RGL4: variants seen among roughly 807,000 people sequenced by gnomAD.
RGL4 encodes ral guanine nucleotide dissociation stimulator like 4.
Under a neutral mutation model 49.6 loss-of-function variants are expected in RGL4, and 41 were observed. The ratio of observed to expected loss-of-function variants is 0.83; its 90% CI spans 0.64 to 1.07. RGL4 has a LOEUF of 1.07. Among genes scored for constraint, RGL4 ranks in the 50% least tolerant of loss-of-function variants. The pLI is 0.00. For missense variants in RGL4, 610 were observed against 591.9 expected, an observed-to-expected ratio of 1.03 and a Z score of -0.32; for synonymous variants, 255 against 238.0, an observed-to-expected ratio of 1.07 and a Z score of -0.66.
intron 8 of RGL4, 144 bp from the exon 9 acceptor site, chr22:23,697,687 TCTAGAGC>T: frequency 1.2e-6 from 1 of 803,698 alleles, no homozygotes; most frequent in South Asian, 1.6e-5. Flanking sequence ...TTCCCCCTGC[TCTAGAGC>T]CCGGAGCCTG....
chr22:23,698,125 A>T, intron 9 of RGL4, 87 bp from the exon 10 acceptor site: 1 of 1,535,952 alleles, frequency 6.5e-7, no homozygotes, highest in Non-Finnish European at 8.8e-7. Flanking sequence ...AAACTGCCCC[A>T]GGGACCAGCC....
chr22:23,696,355 A>G, intron 6 of RGL4: 1 of 1,404,734 alleles, frequency 7.1e-7, no homozygotes, highest in Non-Finnish European at 9.4e-7. Flanking sequence ...CAACGGCAAC[A>G]GCTACAGGAA....
intron 3 of RGL4, 25 bp from the exon 4 acceptor site, chr22:23,693,734 G>A (rs375883050): frequency 3.2e-5 from 51 of 1,588,972 alleles, no homozygotes; most frequent in Non-Finnish European, 3.7e-5. Flanking sequence ...TGCTGTGTCC[G>A]TGACACTCTC....
At position 23,699,011 on chromosome 22, in the gene RGL4, T is replaced by C. The variant is rs189477147; in HGVS notation, c.*128T>C. On this transcript the variant is annotated 3_prime_UTR_variant, in exon 11 of 11. Transcript: ENST00000290691. Reference sequence around the variant, plus strand: ...CTAGGAGGCTGGCAGCTCAGCTGCATCTTGCCCTGGATCCTCATCACCAAC... The same window carrying C: ...CTAGGAGGCTGGCAGCTCAGCTGCACCTTGCCCTGGATCCTCATCACCAAC... 3 of 1,551,206 alleles carry C rather than the reference T, an allele frequency of 1.9e-6. No individual in the cohort carries two copies. Among genetic ancestry groups the C allele is most frequent in the African/African-American group, 1.4e-5 (1 of 73,332 alleles).
At chr22:23,696,717 G>T (rs377224219) in intron 7 of RGL4, 29 bp downstream of exon 7, 1 of 1,590,602 alleles carries the variant, frequency 6.3e-7, no homozygotes, top group Non-Finnish European at 8.6e-7. Flanking sequence ...TGGACGGGCC[G>T]CAGGGGATCA....
Position 23,697,235 on chromosome 22 carries a change from AC to A in RGL4, c.1227del (p.Asp409GlufsTer28). Reference protein sequence around the residue: ...ELQRLDSAIPDDLDGNTNKRS... With the variant: ...ELQRLDSAIPXDLDGNTNKRS... ...CAGAGGCTGGATTCGGCCATCCCGG[AC>A]GACCTGGATGTGAGTGAGCCTGGGG... is the stretch of plus-strand genomic sequence containing the variant. On this transcript the variant is annotated frameshift_variant, in exon 8 of 11. Transcript: ENST00000290691. LOFTEE classifies it high-confidence loss of function. 1 of 1,612,948 alleles carries A rather than the reference AC, an allele frequency of 6.2e-7. No individual in the cohort carries two copies. The highest frequency in any genetic ancestry group is 2.2e-5 in the East Asian group (1 of 44,802).
intron 6 of RGL4, chr22:23,696,203 G>T: frequency 1.1e-6 from 1 of 890,444 alleles, no homozygotes; most frequent in Non-Finnish European, 1.5e-6. Flanking sequence ...TGCCCGCTCT[G>T]GGCCTCTGTT....
At position 23,692,425 on chromosome 22, in the gene RGL4, G is replaced by A. The variant is rs1337146891; in HGVS notation, c.270G>A (p.Leu90=). 7.4e-6 allele frequency: 12 copies of A among 1,614,052 alleles called. No individual in the cohort carries two copies. The highest frequency in any genetic ancestry group is 1.1e-5 in the South Asian group (1 of 91,090). ...AACGGTCATCTTTCCGGATAAAGCT[G>A]GCCTTCAGGAACCTCTCCTGGCCTG... is the stretch of plus-strand genomic sequence containing the variant. ...PPQRSSFRIK[L]AFRNLSWPGL... Residue 90 remains leucine, a synonymous_variant, in exon 2 of 11, where the codon CTG becomes CTA. Transcript: ENST00000290691.
rs1134706 is a variant in RGL4 at position 23,699,143 on chromosome 22, C to T, written c.*260C>T. On this transcript the variant is annotated 3_prime_UTR_variant, in exon 11 of 11. Transcript: ENST00000290691. ...TAAGTAAGGGTTTTTTCTTAACTTT[C>T]GTTAAAATAAAATTTTAAAAAACTA... The T allele has an allele frequency of 2.2e-5, 32 of 1,443,096 alleles. No homozygotes were observed. Among genetic ancestry groups the T allele is most frequent in the Middle Eastern group, 3.6e-4 (2 of 5,548 alleles). The allele number at this position is 1,443,096 out of a possible 1,614,324, so 89.4% of individuals were successfully genotyped here. A position where few individuals can be genotyped will look rare whatever the true frequency, so the allele number is the denominator to read the frequency against.
intron 8 of RGL4, among the ~76,000 whole-genome samples, chr22:23,697,479 T>A (rs1256962961): frequency 1.3e-5 from 2 of 152,192 alleles, no homozygotes. Context: ...GCTGCCTGAC[T>A]GCAAAGCTGC....
intron 3 of RGL4, 102 bp from the exon 4 acceptor site, chr22:23,693,657 C>A: frequency 2.1e-6 from 2 of 944,208 alleles, no homozygotes; most frequent in South Asian, 2.8e-5. Flanking sequence ...TTGGTTCCTG[C>A]CAGAGACCGT....
Position 23,693,889 on chromosome 22 carries a change from G to A in RGL4, c.827G>A (p.Cys276Tyr). The A allele has an allele frequency of 2.5e-6, 4 of 1,613,996 alleles. No homozygotes were observed. The highest frequency in any genetic ancestry group is 3.4e-6 in the Non-Finnish European group (4 of 1,180,034). ...TIAHFNRLTN[C>Y]ITTSCLGDHS... ...GCACACTTCAACAGGCTCACCAACT[G>A]CATCACCACCTCCTGCCTCGGGGAC... Residue 276 changes from cysteine (C) to tyrosine (Y), a missense_variant, in exon 4 of 11, where the codon TGC (cysteine) becomes TAC (tyrosine). Cys to Tyr is a radical substitution (Grantham distance 194). Coordinates refer to ENST00000290691, the MANE Select transcript of RGL4 (RefSeq NM_153615.2).
chr22:23,696,138 G>A (rs1006644204), intron 6 of RGL4, among the ~76,000 whole-genome samples: 2 of 152,192 alleles, frequency 1.3e-5, no homozygotes, highest in Non-Finnish European at 2.9e-5. Flanking sequence ...CAGCCGAGAC[G>A]GAGCCTCCAG....
rs1451357357 is a variant in RGL4, at chr22:23,694,375, C to T, written c.941C>T (p.Ser314Leu). Residue 314 changes from serine to leucine, a missense_variant, in exon 5 of 11, where the codon TCG becomes TTG. Coordinates refer to ENST00000290691, the MANE Select transcript of RGL4 (RefSeq NM_153615.2). ...RECLSLNNFS[S>L]VHVIVSALCS... The stretch of plus-strand genomic sequence containing the variant: ...TGCCTAAGCCTCAACAACTTCTCCT[C>T]GGTGCACGTCATCGTCTCTGCTCTG... 5 of 1,613,824 alleles carry T rather than the reference C, an allele frequency of 3.1e-6. No individual in the cohort carries two copies. Among genetic ancestry groups the T allele is most frequent in the East Asian group, 2.2e-5 (1 of 44,894 alleles).
rs1238126127 is a variant in RGL4, at chr22:23,694,947, T to C, written c.1017-3T>C. The C allele has an allele frequency of 8.7e-6, 14 of 1,611,542 alleles. No individual in the cohort carries two copies. The East Asian group carries it at 1.3e-4, about 15-fold the overall frequency. ...TACCCTTCTTTCTTTCCTCTGCCCA[T>C]AGCAAAAGCATGAAAGAGCTAAAAG... On this transcript the variant is annotated splice_polypyrimidine_tract_variant and splice_region_variant and intron_variant, in intron 5 of 10. Coordinates refer to ENST00000290691, the MANE Select transcript of RGL4 (RefSeq NM_153615.2).
At chr22:23,698,499 G>T (rs555559545) in intron 10 of RGL4, 166 bp downstream of exon 10, 10 of 795,998 alleles carry the variant, frequency 1.3e-5, no homozygotes, top group Non-Finnish European at 2.1e-5. Flanking sequence ...AAGCAGCTGG[G>T]ACTACCGCTG....
At chr22:23,696,311 G>A in intron 6 of RGL4, 1 of 1,316,544 alleles carries the variant, frequency 7.6e-7, no homozygotes, top group Middle Eastern at 2.1e-4. Flanking sequence ...GGGTGCTCGT[G>A]CCTGGTTCTT....
Position 23,698,852 on chromosome 22 carries a change from T to C in RGL4, c.1391T>C (p.Leu464Pro), listed in dbSNP as rs1923706671. ...EQLSDKESYK[L>P]SCQLEPENP Reference sequence around the variant, plus strand: ...GCTTCTCTGTCCTGCAGCTACAAGCTGTCCTGCCAGCTGGAGCCCGAAAAC... The same window carrying C: ...GCTTCTCTGTCCTGCAGCTACAAGCCGTCCTGCCAGCTGGAGCCCGAAAAC... The change falls in exon 11 of 11, where the codon CTG (leucine) becomes CCG (proline). Residue 464 changes from leucine to proline, a missense_variant. Physicochemically the swap from Leu to Pro is moderately conservative, Grantham distance 98. Transcript: ENST00000290691. The C allele has an allele frequency of 6.2e-7, 1 of 1,610,154 alleles. No homozygotes were observed. The highest frequency in any genetic ancestry group is 8.5e-7 in the Non-Finnish European group (1 of 1,177,246).
chr22:23,693,829 A>G lies in RGL4; in HGVS notation c.767A>G (p.Asn256Ser). ...TGGGGCCAAGGACATCTGAAGGGGA[A>G]TGAGCACATGGCACCCACAGTTCGT... ...CIWGQGHLKGNEHMAPTVRAT... is the reference protein window; with the variant it reads ...CIWGQGHLKGSEHMAPTVRAT... The change falls in exon 4 of 11, where the codon AAT (asparagine) becomes AGT (serine). Residue 256 changes from asparagine to serine, a missense_variant. Transcript: ENST00000290691. The G allele has an allele frequency of 1.2e-6, 2 of 1,614,096 alleles. No individual in the cohort carries two copies. The highest frequency in any genetic ancestry group is 1.7e-6 in the Non-Finnish European group (2 of 1,180,000).
Sources: gnomAD v4.1 joint callset for allele counts (sites outside exome capture counted in the v4.1 genomes callset) on GRCh38, gnomAD v4.1.1 for gene constraint, MANE v1.5 for transcripts, NCBI Gene and HGNC (gene_info 2026-07-23, HGNC 2026-07-21) for gene names.